Variants in SPMAP2L observed in about 807,000 individuals in gnomAD.
SPMAP2L encodes the protein sperm microtubule associated protein 2 like, also known as sperm microtubule associated protein 2-like.
chr4:56,594,644 A>G, the SPMAP2L span: 1 of 1,341,584 alleles, frequency 7.5e-7, no homozygotes. Context: ...CATGGCAGGC[A>G]TGAAGATTCA....
the SPMAP2L span, among the ~76,000 whole-genome samples, chr4:56,623,576 C>A: frequency 2.0e-5 from 3 of 152,178 alleles, no homozygotes; most frequent in Non-Finnish European, 4.4e-5. Flanking sequence ...TGAATTCTCC[C>A]AGAATTCCAA....
chr4:56,603,932 A>G, the SPMAP2L span, among the ~76,000 whole-genome samples: 1 of 152,204 alleles, frequency 6.6e-6, no homozygotes, highest in Admixed American at 6.5e-5. Flanking sequence ...GTCACTTACC[A>G]TGAATGAGAG....
chr4:56,587,268 T>G, the SPMAP2L span, among the ~76,000 whole-genome samples: 1 of 142,296 alleles, frequency 7.0e-6, no homozygotes. Context: ...CTTGGTCCAT[T>G]GATTGATTGA....
chr4:56,594,970 C>T, the SPMAP2L span: 43 of 1,606,810 alleles, frequency 2.7e-5, no homozygotes, highest in Admixed American at 1.8e-4. Context: ...GGCCCATTGG[C>T]GTAAGAAATA....
the SPMAP2L span, among the ~76,000 whole-genome samples, chr4:56,564,187 G>A: frequency 6.7e-6 from 1 of 149,170 alleles, no homozygotes; most frequent in Non-Finnish European, 1.5e-5. Context: ...AGACTGGAGT[G>A]CAGTGGCATG....
chr4:56,578,508 C>T, the SPMAP2L span, among the ~76,000 whole-genome samples: 2 of 151,906 alleles, frequency 1.3e-5, no homozygotes, highest in African/African-American at 4.8e-5. Context: ...ATTAAATGTA[C>T]ATTACATTAA....
At chr4:56,548,205 T>C in the SPMAP2L span, among the ~76,000 whole-genome samples, 1 of 151,434 alleles carries the variant, frequency 6.6e-6, no homozygotes, top group South Asian at 2.1e-4. Context: ...TGCATTGTTT[T>C]GATTATAAGC....
At chr4:56,593,802 G>A in the SPMAP2L span, 1 of 1,601,888 alleles carries the variant, frequency 6.2e-7, no homozygotes, top group Non-Finnish European at 8.6e-7. Context: ...AGCAACATCT[G>A]TACAGCTCAG....
chr4:56,618,149 T>G, the SPMAP2L span, among the ~76,000 whole-genome samples: 1 of 152,290 alleles, frequency 6.6e-6, no homozygotes, highest in Admixed American at 6.5e-5. Context: ...CCCTGGCCAG[T>G]GATCACACCC....
the SPMAP2L span, among the ~76,000 whole-genome samples, chr4:56,567,442 G>GTTTTTTTTTTTTTTTTTTT: frequency 3.0e-5 from 2 of 65,580 alleles, no homozygotes; most frequent in African/African-American, 6.1e-5. Flanking sequence ...AATTTTGGTG[G>GTTTTTTTTTTTTTTTTTTT]TTTTTTTTTT....
At chr4:56,606,993 A>C in the SPMAP2L span, among the ~76,000 whole-genome samples, 4 of 152,120 alleles carry the variant, frequency 2.6e-5, no homozygotes, top group Non-Finnish European at 4.4e-5. Context: ...GAGAAGGTGG[A>C]TTTATGGGAT....
At chr4:56,597,586 T>A in the SPMAP2L span, among the ~76,000 whole-genome samples, 1 of 152,244 alleles carries the variant, frequency 6.6e-6, no homozygotes, top group African/African-American at 2.4e-5. Flanking sequence ...ACGAGTGTCT[T>A]AAGTTTACTA....
chr4:56,610,185 A>T, the SPMAP2L span, among the ~76,000 whole-genome samples: 2 of 152,210 alleles, frequency 1.3e-5, no homozygotes, highest in East Asian at 3.8e-4. Flanking sequence ...GTATCACATT[A>T]TCTGATTTCA....
the SPMAP2L span, chr4:56,530,616 C>T: frequency 6.7e-7 from 1 of 1,497,120 alleles, no homozygotes; most frequent in Non-Finnish European, 8.9e-7. Context: ...AGAGAGCAAA[C>T]TGCGCCTGGG....
At chr4:56,582,142 T>A in the SPMAP2L span, among the ~76,000 whole-genome samples, 1 of 152,276 alleles carries the variant, frequency 6.6e-6, no homozygotes, top group East Asian at 1.9e-4. Context: ...TGGTGTCATA[T>A]CTTAGCTATG....
chr4:56,554,914 A>G, the SPMAP2L span, among the ~76,000 whole-genome samples: 1 of 147,428 alleles, frequency 6.8e-6, no homozygotes, highest in East Asian at 2.0e-4. Context: ...TTCCAGTACC[A>G]TTTGTTGAAA....
chr4:56,593,471 T>C, the SPMAP2L span: 77 of 1,591,888 alleles, frequency 4.8e-5, no homozygotes, highest in Middle Eastern at 1.8e-4. Flanking sequence ...GAGGGGAAGG[T>C]GGAAGACTTT....
At chr4:56,569,206 T>G in the SPMAP2L span, among the ~76,000 whole-genome samples, 1 of 152,200 alleles carries the variant, frequency 6.6e-6, no homozygotes, top group Admixed American at 6.5e-5. Flanking sequence ...TAACCCTATA[T>G]TTAACTTTTT....
At chr4:56,621,498 T>C in the SPMAP2L span, among the ~76,000 whole-genome samples, 2 of 152,174 alleles carry the variant, frequency 1.3e-5, no homozygotes, top group Non-Finnish European at 2.9e-5. Flanking sequence ...AGGTAGTTTA[T>C]CCTGAAAAAT....
Sources: gnomAD v4.1 joint callset for allele counts (sites outside exome capture counted in the v4.1 genomes callset) on GRCh38, gnomAD v4.1.1 for gene constraint, MANE v1.5 for transcripts, NCBI Gene and HGNC (gene_info 2026-07-23, HGNC 2026-07-21) for gene names.